Variants in FAM107B observed in about 807,000 individuals in gnomAD.
FAM107B encodes family with sequence similarity 107 member B.
Under a neutral mutation model 31.5 loss-of-function variants are expected in FAM107B, and 21 were observed. The ratio of observed to expected loss-of-function variants is 0.67; its 90% CI spans 0.47 to 0.96. The LOEUF (loss-of-function observed/expected upper bound fraction) is 0.96, where lower values mean the gene tolerates loss of function less well. FAM107B is among the 40% of genes least tolerant of loss of function. The probability of loss-of-function intolerance (pLI) is 0.00; values close to 1 mark genes in which losing one functional copy is unlikely to be tolerated. For synonymous variants in FAM107B, 157 were observed against 141.5 expected (o/e 1.11, Z -0.78); for missense variants, 452 against 377.1 (o/e 1.20, Z -1.64).
At chr10:14,692,465 G>T (rs890410246) in intron 1 of FAM107B, among the ~76,000 whole-genome samples, 2 of 152,016 alleles carry the variant, frequency 1.3e-5, no homozygotes, top group African/African-American at 4.8e-5. Flanking sequence ...CACACAGGAG[G>T]GTTTTTATCA....
intron 2 of FAM107B, among the ~76,000 whole-genome samples, chr10:14,562,164 T>C (rs1850300266): frequency 6.6e-6 from 1 of 152,248 alleles, no homozygotes; most frequent in Non-Finnish European, 1.5e-5. Flanking sequence ...TCAAATGTAA[T>C]GATGATATTA....
At chr10:14,547,824 A>G (rs1848841273) in intron 2 of FAM107B, among the ~76,000 whole-genome samples, 3 of 152,246 alleles carry the variant, frequency 2.0e-5, no homozygotes, top group Non-Finnish European at 4.4e-5. Flanking sequence ...TTCCATAATT[A>G]AAAGAATTTA....
intron 1 of FAM107B, among the ~76,000 whole-genome samples, chr10:14,747,135 G>C (rs1484613128): frequency 6.6e-6 from 1 of 152,134 alleles, no homozygotes; most frequent in Non-Finnish European, 1.5e-5. Context: ...GCGTTTCTCA[G>C]CTCCATCAGG....
At chr10:14,700,432 C>T (rs529831602) in intron 1 of FAM107B, among the ~76,000 whole-genome samples, 106 of 152,158 alleles carry the variant, frequency 7.0e-4, no homozygotes, top group African/African-American at 2.3e-3. Flanking sequence ...CATGAACAGC[C>T]GTATATGGAA....
chr10:14,562,081 C>T (rs376802958), intron 2 of FAM107B, among the ~76,000 whole-genome samples: 43 of 152,294 alleles, frequency 2.8e-4, no homozygotes, highest in Non-Finnish European at 5.0e-4. Flanking sequence ...CCACTACGCC[C>T]GGCCTTAGAG....
chr10:14,703,327 CTTTTT>C (rs532320563), intron 1 of FAM107B, among the ~76,000 whole-genome samples: 2 of 138,856 alleles, frequency 1.4e-5, no homozygotes. Flanking sequence ...CCTTCTTCTT[CTTTTT>C]TTTTTTTTTT....
chr10:14,750,940 CA>C (rs1832815021), intron 1 of FAM107B, among the ~76,000 whole-genome samples: 1 of 152,136 alleles, frequency 6.6e-6, no homozygotes, highest in South Asian at 2.1e-4. Context: ...CATGAGGAAT[CA>C]GGGGTGGGCA....
At chr10:14,704,269 C>CTGTGTGTGTGTG (rs113899632) in intron 1 of FAM107B, among the ~76,000 whole-genome samples, 4,910 of 148,150 alleles carry the variant, frequency 0.033, 97 homozygotes, top group Non-Finnish European at 0.042. Flanking sequence ...GTAAATTGCT[C>CTGTGTGTGTGTG]TGTGTGTGTG....
intron 1 of FAM107B, among the ~76,000 whole-genome samples, chr10:14,766,173 T>G (rs1240352901): frequency 6.6e-6 from 1 of 152,188 alleles, no homozygotes; most frequent in East Asian, 1.9e-4. Flanking sequence ...GACACCCAAT[T>G]TCAATTAAGA....
At chr10:14,678,835 C>T (rs1248085651) in intron 1 of FAM107B, among the ~76,000 whole-genome samples, 3 of 152,172 alleles carry the variant, frequency 2.0e-5, no homozygotes, top group African/African-American at 4.8e-5. Flanking sequence ...TGAATACAGG[C>T]GTCTCCAGGC....
Position 14,656,130 on chromosome 10 carries a change from T to A in FAM107B, c.469+11504A>T, listed in dbSNP as rs544491809. Reference sequence around the variant, plus strand: ...AACGACTTTAGGACAAGTCCTTTAATGTCTTTTCAACCTGTTCTGGCCCCT... The same window carrying A: ...AACGACTTTAGGACAAGTCCTTTAAAGTCTTTTCAACCTGTTCTGGCCCCT... On this transcript the variant is annotated intron_variant, in intron 2 of 4. Transcript: ENST00000181796. 3.9e-5 allele frequency among the ~76,000 whole-genome samples: 6 copies of A among 152,314 alleles called. No individual in the cohort carries two copies. The South Asian group carries it at 1.2e-3, about 32-fold the overall frequency.
intron 2 of FAM107B, among the ~76,000 whole-genome samples, chr10:14,660,004 A>T (rs1854189491): frequency 6.6e-6 from 1 of 152,222 alleles, no homozygotes; most frequent in South Asian, 2.1e-4. Context: ...CAGGAAATGA[A>T]ACTTGACTAA....
At chr10:14,555,205 CA>C (rs1445878260) in intron 2 of FAM107B, among the ~76,000 whole-genome samples, 1 of 52,482 alleles carries the variant, frequency 1.9e-5, no homozygotes, top group East Asian at 9.2e-4. Context: ...GAAAAGCACC[CA>C]TAAAGCCTAA....
At chr10:14,750,239 T>C (rs1360870863) in intron 1 of FAM107B, among the ~76,000 whole-genome samples, 1 of 152,202 alleles carries the variant, frequency 6.6e-6, no homozygotes, top group South Asian at 2.1e-4. Flanking sequence ...ACTTGGGGCA[T>C]GGGGTGTCTT....
At chr10:14,731,206 A>G (rs1856164399) in intron 1 of FAM107B, among the ~76,000 whole-genome samples, 1 of 152,204 alleles carries the variant, frequency 6.6e-6, no homozygotes, top group Admixed American at 6.5e-5. Context: ...TACTAAAAAA[A>G]TAAGACAGAA....
At chr10:14,705,125 T>C (rs1285743008) in intron 1 of FAM107B, among the ~76,000 whole-genome samples, 5 of 151,040 alleles carry the variant, frequency 3.3e-5, no homozygotes, top group Admixed American at 2.6e-4. Flanking sequence ...ACCACATCAC[T>C]AATCATTAGG....
intron 2 of FAM107B, among the ~76,000 whole-genome samples, chr10:14,660,248 T>C (rs1240370094): frequency 1.3e-5 from 2 of 152,138 alleles, no homozygotes; most frequent in Non-Finnish European, 2.9e-5. Flanking sequence ...TCTGGAATGG[T>C]ACACTTATTG....
intron 2 of FAM107B, among the ~76,000 whole-genome samples, chr10:14,628,438 C>G (rs547763922): frequency 6.6e-6 from 1 of 152,198 alleles, no homozygotes; most frequent in African/African-American, 2.4e-5. Context: ...TCTTTCCTAC[C>G]CAGATGGGTC....
chr10:14,769,390 T>C (rs1039147790), intron 1 of FAM107B, among the ~76,000 whole-genome samples: 18 of 145,014 alleles, frequency 1.2e-4, no homozygotes, highest in African/African-American at 5.2e-4. Flanking sequence ...TTTTTGTTTT[T>C]CTTTTCTTTT....
Sources: gnomAD v4.1 joint callset for allele counts (sites outside exome capture counted in the v4.1 genomes callset) on GRCh38, gnomAD v4.1.1 for gene constraint, MANE v1.5 for transcripts, NCBI Gene and HGNC (gene_info 2026-07-23, HGNC 2026-07-21) for gene names.